The following HSD17B12 variants were observed in gnomAD, a reference collection of about 807,000 sequenced individuals.
HSD17B12 encodes hydroxysteroid 17-beta dehydrogenase 12, also known as very-long-chain 3-oxoacyl-CoA reductase.
In HSD17B12, 32 loss-of-function variants were observed where a neutral mutation model predicts 39.3. The ratio of observed to expected loss-of-function variants is 0.81; its 90% CI spans 0.61 to 1.09. HSD17B12 has a LOEUF of 1.09. Ranked by LOEUF, HSD17B12 falls within the 50% of genes least tolerant of loss-of-function variation. HSD17B12 has a pLI of 0.00. For synonymous variants in HSD17B12, 150 were observed against 146.7 expected (o/e 1.02, Z -0.16); for missense variants, 342 against 382.9 (o/e 0.89, Z 0.89).
At chr11:43,580,306 G>T in the HSD17B12 span, among the ~76,000 whole-genome samples, 1 of 149,382 alleles carries the variant, frequency 6.7e-6, no homozygotes, top group Admixed American at 6.7e-5. Context: ...GTCGTTGTGG[G>T]GTCAGGCAGT....
At chr11:43,784,002 T>A (rs922254622) in intron 3 of HSD17B12, among the ~76,000 whole-genome samples, 1 of 152,174 alleles carries the variant, frequency 6.6e-6, no homozygotes, top group Non-Finnish European at 1.5e-5. Flanking sequence ...TGTAGCAGGA[T>A]GAGCCACAGA....
intron 3 of HSD17B12, among the ~76,000 whole-genome samples, chr11:43,770,110 T>A (rs1950634695): frequency 6.6e-6 from 1 of 152,234 alleles, no homozygotes; most frequent in South Asian, 2.1e-4. Context: ...TCCTGGTTCC[T>A]TAGGACTTGT....
chr11:43,680,525 C>T (rs1289694848), upstream of HSD17B12: 19 of 428,468 alleles, frequency 4.4e-5, no homozygotes, highest in Non-Finnish European at 6.4e-5. Context: ...AATGAGAGAC[C>T]GGGGCGCCTC....
chr11:43,810,769 T>C lies in HSD17B12; in HGVS notation c.392-4668T>C, dbSNP rs1438084686. ...TGGGAATTCCATGATGACATAGATATCTGTTGTTTCCTGAGAGACATCATG... is the reference window on the plus strand; with the variant it reads ...TGGGAATTCCATGATGACATAGATACCTGTTGTTTCCTGAGAGACATCATG... On this transcript the variant is annotated intron_variant, in intron 4 of 10. Coordinates refer to ENST00000278353, the MANE Select transcript of HSD17B12 (RefSeq NM_016142.3). Among the ~76,000 whole-genome samples, 4 of 152,164 alleles carry C rather than the reference T, an allele frequency of 2.6e-5. No individual in the cohort carries two copies. The East Asian group carries it at 7.7e-4, about 29-fold the overall frequency.
At chr11:43,712,568 C>T (rs1318584119) in intron 1 of HSD17B12, among the ~76,000 whole-genome samples, 1 of 152,110 alleles carries the variant, frequency 6.6e-6, no homozygotes, top group African/African-American at 2.4e-5. Flanking sequence ...AGAAGCCCCT[C>T]CCCTGCACTG....
At chr11:43,587,945 T>G in the HSD17B12 span, among the ~76,000 whole-genome samples, 1 of 152,202 alleles carries the variant, frequency 6.6e-6, no homozygotes, top group Non-Finnish European at 1.5e-5. Flanking sequence ...GCTGCTTCCA[T>G]GTAGCACAGC....
At position 43,838,339 on chromosome 11, in the gene HSD17B12, A is replaced by T; in HGVS notation, c.559A>T (p.Ile187Phe). The T allele has an allele frequency of 6.2e-7, 1 of 1,613,194 alleles. No individual in the cohort carries two copies. Among genetic ancestry groups the T allele is most frequent in the Non-Finnish European group, 8.5e-7 (1 of 1,179,320 alleles). Residue 187 changes from isoleucine to phenylalanine, a missense_variant, in exon 8 of 11, where the codon ATT becomes TTT. By Grantham distance (21) the Ile-to-Phe change is conservative (BLOSUM62 0). Coordinates refer to ENST00000278353, the MANE Select transcript of HSD17B12 (RefSeq NM_016142.3). ...VERSKGAILN[I>F]SSGSGMLPVP... Reference sequence around the variant, plus strand: ...TAGATCCAAAGGGGCTATTCTGAACATTTCATCTGGCAGTGGCATGCTCCC... The same window carrying T: ...TAGATCCAAAGGGGCTATTCTGAACTTTTCATCTGGCAGTGGCATGCTCCC...
rs149027857 is a variant in HSD17B12 at position 43,779,782 on chromosome 11, G to A, written c.284-18538G>A. ...GAGAAATAAAACTGCCAGCTGCCCT[G>A]AACAGTAGGCAAAATATTTTCCACA... On this transcript the variant is annotated intron_variant, in intron 3 of 10. Transcript: ENST00000278353. Among the ~76,000 whole-genome samples the A allele has an allele frequency of 1.8e-3, 275 of 152,282 alleles. 1 individual carries two copies. Among genetic ancestry groups the A allele is most frequent in the Non-Finnish European group, 2.9e-3 (197 of 68,014 alleles).
intron 3 of HSD17B12, among the ~76,000 whole-genome samples, chr11:43,781,570 C>CA (rs1403110160): frequency 2.6e-5 from 4 of 152,008 alleles, no homozygotes; most frequent in South Asian, 2.1e-4. Flanking sequence ...GTAAGAAAAC[C>CA]AAAAATGCTT....
chr11:43,824,684 G>T (rs773928408), intron 6 of HSD17B12, among the ~76,000 whole-genome samples: 2 of 152,160 alleles, frequency 1.3e-5, no homozygotes, highest in African/African-American at 4.8e-5. Context: ...TGGGGATTAG[G>T]TTTGAACATA....
chr11:43,558,287 A>G, the HSD17B12 span, among the ~76,000 whole-genome samples: 1 of 152,124 alleles, frequency 6.6e-6, no homozygotes, highest in Non-Finnish European at 1.5e-5. Context: ...CAGAGGTCTG[A>G]AAAGGTTGAA....
chr11:43,757,639 CAAAAAAAAAAAAAAAA>C (rs60598991), intron 3 of HSD17B12, among the ~76,000 whole-genome samples: 1 of 7,198 alleles, frequency 1.4e-4, no homozygotes, highest in African/African-American at 3.8e-4. Context: ...GACTCCGTCT[CAAAAAAAAAAAAAAAA>C]AAAAAAAAAA....
chr11:43,719,634 A>G (rs1029218591), intron 1 of HSD17B12, among the ~76,000 whole-genome samples: 27 of 151,300 alleles, frequency 1.8e-4, no homozygotes, highest in Admixed American at 1.3e-3. Context: ...AAAAATATAT[A>G]TATATATATA....
At chr11:43,626,143 T>C in the HSD17B12 span, among the ~76,000 whole-genome samples, 1 of 151,656 alleles carries the variant, frequency 6.6e-6, no homozygotes, top group Non-Finnish European at 1.5e-5. Flanking sequence ...AACCCGGTAT[T>C]ATATCTGCTT....
chr11:43,740,620 T>A (rs1380267599), intron 1 of HSD17B12, among the ~76,000 whole-genome samples: 4 of 152,208 alleles, frequency 2.6e-5, no homozygotes, highest in Admixed American at 2.0e-4. Flanking sequence ...GATTACTTCA[T>A]GGTTCAAGAG....
chr11:43,801,206 ATG>A (rs1950964534), intron 4 of HSD17B12, among the ~76,000 whole-genome samples: 1 of 152,112 alleles, frequency 6.6e-6, no homozygotes. Flanking sequence ...GAAATATAAC[ATG>A]AAACAAAATA....
At chr11:43,737,802 AGTG>A (rs1436514171) in intron 1 of HSD17B12, among the ~76,000 whole-genome samples, 1 of 152,170 alleles carries the variant, frequency 6.6e-6, no homozygotes, top group Non-Finnish European at 1.5e-5. Flanking sequence ...GGCCAGGCGC[AGTG>A]GCTCACGCCT....
intron 4 of HSD17B12, among the ~76,000 whole-genome samples, chr11:43,808,485 A>G (rs1951039979): frequency 6.6e-6 from 1 of 152,166 alleles, no homozygotes; most frequent in Non-Finnish European, 1.5e-5. Flanking sequence ...AGAACCTTTT[A>G]CTTAAAACTG....
chr11:43,806,523 GA>G (rs934019256), intron 4 of HSD17B12: 19 of 152,034 alleles, frequency 1.2e-4, no homozygotes, highest in African/African-American at 4.6e-4. Context: ...AAAAAACCTG[GA>G]AATCTTGTCA....
Sources: allele counts gnomAD v4.1 joint callset (sites outside exome capture counted in the v4.1 genomes callset), GRCh38; gene constraint gnomAD v4.1.1; transcripts MANE v1.5; gene names NCBI Gene and HGNC (gene_info 2026-07-23, HGNC 2026-07-21).